Variants in NCAM1 observed in about 807,000 individuals in gnomAD.
NCAM1 encodes neural cell adhesion molecule 1.
NCAM1 carries 14 observed loss-of-function variants against 109.8 expected under a neutral mutation model. That is an observed-to-expected ratio of 0.13 (90% CI 0.08 to 0.20). The LOEUF (loss-of-function observed/expected upper bound fraction) is 0.20. Ranked by LOEUF, NCAM1 falls within the 10% of genes least tolerant of loss-of-function variation. The pLI is 1.00. For missense variants in NCAM1, 774 were observed against 1,109.9 expected, an observed-to-expected ratio of 0.70 and a Z score of 4.30; for synonymous variants, 418 against 442.9, an observed-to-expected ratio of 0.94 and a Z score of 0.70.
rs1486130497 is a variant in NCAM1 at position 113,046,984 on chromosome 11, A to C, written c.52+85320A>C. Among the ~76,000 whole-genome samples, 3 of 152,320 alleles carry C rather than the reference A, an allele frequency of 2.0e-5. No individual in the cohort carries two copies. In the East Asian group the frequency reaches 5.8e-4, roughly 29 times the overall value. ...TGGCAGTTCATAGATGTGGAAATAC[A>C]CTGGCTGTTAAAGTTCATGCTTTAA... is the stretch of plus-strand genomic sequence containing the variant. On this transcript the variant is annotated intron_variant, in intron 1 of 19. Coordinates refer to ENST00000316851, the MANE Select transcript of NCAM1 (RefSeq NM_181351.5).
At chr11:113,187,446 AATTTGAGTTT>A (rs1426197188) in intron 1 of NCAM1, among the ~76,000 whole-genome samples, 2 of 152,066 alleles carry the variant, frequency 1.3e-5, no homozygotes, top group African/African-American at 4.8e-5. Flanking sequence ...TTTGGAGAAA[AATTTGAGTTT>A]ATCATCACCT....
At chr11:112,991,558 TACCCAACTC>T (rs1430977022) in intron 1 of NCAM1, among the ~76,000 whole-genome samples, 5 of 152,164 alleles carry the variant, frequency 3.3e-5, no homozygotes, top group African/African-American at 1.2e-4. Flanking sequence ...TTATTGAGTT[TACCCAACTC>T]ACTTTACATG....
At chr11:113,148,126 A>G (rs1942086629) in intron 1 of NCAM1, among the ~76,000 whole-genome samples, 1 of 152,184 alleles carries the variant, frequency 6.6e-6, no homozygotes, top group Non-Finnish European at 1.5e-5. Flanking sequence ...CCTTAATGGA[A>G]TCTGAGGAGA....
chr11:113,276,953 C>T lies in NCAM1; in HGVS notation c.*1566C>T, dbSNP rs1297170262. 3 of 164,280 alleles carry T rather than the reference C, an allele frequency of 1.8e-5. No homozygotes were observed. The highest frequency in any genetic ancestry group is 7.2e-5 in the African/African-American group (3 of 41,900). 10.2% of individuals were successfully genotyped at this position (164,280 alleles called of 1,614,324 possible). On this transcript the variant is annotated 3_prime_UTR_variant, in exon 20 of 20. Coordinates refer to ENST00000316851, the MANE Select transcript of NCAM1 (RefSeq NM_181351.5). ...GATGCGTGAATATTTTAGTGTGAAACGTGTTTTTGTCATAGTATTGAAATA... is the reference window on the plus strand; with the variant it reads ...GATGCGTGAATATTTTAGTGTGAAATGTGTTTTTGTCATAGTATTGAAATA...
intron 9 of NCAM1, among the ~76,000 whole-genome samples, chr11:113,222,317 G>A (rs17115202): frequency 0.039 from 5,914 of 152,250 alleles, 232 homozygotes; most frequent in East Asian, 0.18. Context: ...TATTCAGAAC[G>A]TATAACTCAA....
intron 1 of NCAM1, among the ~76,000 whole-genome samples, chr11:113,003,431 G>A (rs78462367): frequency 0.042 from 6,359 of 152,244 alleles, 447 homozygotes; most frequent in Admixed American, 0.14. Context: ...TTGTGTGGCA[G>A]AAACACTCAG....
chr11:113,214,427 C>T lies in NCAM1; in HGVS notation c.975C>T (p.Val325=). The T allele has an allele frequency of 6.2e-7, 1 of 1,613,762 alleles. No individual in the cohort carries two copies. The highest frequency in any genetic ancestry group is 1.3e-5 in the African/African-American group (1 of 75,034). The change falls in exon 8 of 20, where the codon GTC becomes GTT. Residue 325 remains valine (V), a synonymous_variant. Transcript: ENST00000316851. ...NQTAMELEEQ[V]TLTCEASGDP... ...CTGCCATGGAATTAGAGGAGCAGGT[C>T]ACTCTTACCTGTGAAGCCTCCGGAG...
At chr11:113,243,818 G>C (rs1231059977) in intron 14 of NCAM1, 2 of 235,042 alleles carry the variant, frequency 8.5e-6, no homozygotes, top group Non-Finnish European at 9.0e-6. Flanking sequence ...CCAGCTCCCC[G>C]GGCCAAGCTT....
intron 1 of NCAM1, among the ~76,000 whole-genome samples, chr11:113,067,361 A>C (rs1237129956): frequency 6.6e-6 from 1 of 152,236 alleles, no homozygotes; most frequent in Non-Finnish European, 1.5e-5. Context: ...AAGGGAAGAA[A>C]GTGTGGCAAG....
intron 1 of NCAM1, among the ~76,000 whole-genome samples, chr11:113,057,749 A>G (rs1591289585): frequency 6.6e-6 from 1 of 152,322 alleles, no homozygotes; most frequent in East Asian, 1.9e-4. Context: ...AATTAAATAG[A>G]AAATACAAAA....
intron 1 of NCAM1, among the ~76,000 whole-genome samples, chr11:113,050,525 T>C (rs1437521870): frequency 6.6e-6 from 1 of 152,228 alleles, no homozygotes; most frequent in Non-Finnish European, 1.5e-5. Context: ...TCTGTTCTGT[T>C]ACATTTATCT....
rs1000324961 is a variant in NCAM1 at position 113,216,437 on chromosome 11, C to A, written c.1059+1926C>A. Among the ~76,000 whole-genome samples, 4 of 152,258 alleles carry A rather than the reference C, an allele frequency of 2.6e-5. No individual in the cohort carries two copies. In the East Asian group the frequency reaches 7.8e-4, roughly 30 times the overall value. ...AAAGTGCTGGGATTACAGGCGTGAG[C>A]CACCGCGCCCGGCCGATTTCATTTT... On this transcript the variant is annotated intron_variant, in intron 8 of 19. Transcript: ENST00000316851.
At chr11:113,113,806 C>A (rs1591337119) in intron 1 of NCAM1, among the ~76,000 whole-genome samples, 1 of 151,984 alleles carries the variant, frequency 6.6e-6, no homozygotes. Context: ...GATAGATATT[C>A]TCTTGGATTA....
chr11:112,966,732 A>G (rs1555065501), intron 1 of NCAM1, among the ~76,000 whole-genome samples: 1 of 152,206 alleles, frequency 6.6e-6, no homozygotes, highest in African/African-American at 2.4e-5. Flanking sequence ...CATTAGGAGC[A>G]TTGCTTTTTG....
chr11:113,002,110 G>A (rs1273788152), intron 1 of NCAM1, among the ~76,000 whole-genome samples: 1 of 152,208 alleles, frequency 6.6e-6, no homozygotes, highest in African/African-American at 2.4e-5. Flanking sequence ...CTGGGGAGAT[G>A]ATGCCCCTAA....
At position 113,113,062 on chromosome 11, in the gene NCAM1, A is replaced by C. The variant is rs185298704; in HGVS notation, c.53-89317A>C. ...CAGGAGAATTGCTTGAACCCAGGAG[A>C]CAGAGGTTGCAGTGAGCCGATATCG... On this transcript the variant is annotated intron_variant, in intron 1 of 19. Coordinates refer to ENST00000316851, the MANE Select transcript of NCAM1 (RefSeq NM_181351.5). 6.3e-3 allele frequency among the ~76,000 whole-genome samples: 964 copies of C among 152,148 alleles called. 8 individuals are homozygous for C. Among genetic ancestry groups the C allele is most frequent in the African/African-American group, 0.022 (915 of 41,504 alleles).
At chr11:113,214,640 C>T (rs572105065) in intron 8 of NCAM1, 129 bp downstream of exon 8, 166 of 1,027,950 alleles carry the variant, frequency 1.6e-4, no homozygotes, top group Middle Eastern at 1.1e-3. Context: ...AGCCAGATCC[C>T]GGGGCCTCCC....
At chr11:113,045,718 G>A (rs1472691079) in intron 1 of NCAM1, among the ~76,000 whole-genome samples, 1 of 152,162 alleles carries the variant, frequency 6.6e-6, no homozygotes, top group Non-Finnish European at 1.5e-5. Context: ...GATTCAGAAT[G>A]GATAAATTCC....
chr11:113,126,294 G>C (rs782697333), intron 1 of NCAM1, among the ~76,000 whole-genome samples: 8 of 152,106 alleles, frequency 5.3e-5, no homozygotes, highest in Non-Finnish European at 7.3e-5. Context: ...CAGGCCCTGT[G>C]CTGTGTGCTT....
Sources: allele counts gnomAD v4.1 joint callset (sites outside exome capture counted in the v4.1 genomes callset), GRCh38; gene constraint gnomAD v4.1.1; transcripts MANE v1.5; gene names NCBI Gene and HGNC (gene_info 2026-07-23, HGNC 2026-07-21).